The following CASK variants were observed in gnomAD, a reference collection of about 807,000 sequenced individuals.
CASK encodes the protein peripheral plasma membrane protein CASK.
CASK carries 4 observed loss-of-function variants against 82.9 expected under a neutral mutation model. The observed-to-expected ratio is 0.05, with a 90% CI of 0.02 to 0.11. The LOEUF is 0.11. CASK is among the 10% of genes least tolerant of loss of function. The pLI, the probability that CASK is intolerant of heterozygous loss-of-function variation, is 1.00. For synonymous variants in CASK, 259 were observed against 253.5 expected (o/e 1.02, Z -0.20); for missense variants, 358 against 720.9 (o/e 0.50, Z 5.76).
At chrX:41,809,271 G>C (rs934698125) in intron 2 of CASK, among the ~76,000 whole-genome samples, 4 of 112,169 alleles carry the variant, frequency 3.6e-5, no homozygotes, top group African/African-American at 6.5e-5. Flanking sequence ...TTTTAGATCT[G>C]AGAACGGACA....
intron 2 of CASK, among the ~76,000 whole-genome samples, chrX:41,791,905 CTATATT>C (rs1424956280): frequency 1.8e-5 from 2 of 111,141 alleles, no homozygotes; most frequent in African/African-American, 6.6e-5. Flanking sequence ...AACTATATGC[CTATATT>C]TATTTTATCA....
intron 8 of CASK, among the ~76,000 whole-genome samples, chrX:41,657,929 T>C (rs1356237440): frequency 1.8e-5 from 2 of 111,414 alleles, no homozygotes; most frequent in African/African-American, 6.5e-5. Flanking sequence ...GGGTTGGGAC[T>C]TTCAGCCCCA....
chrX:41,773,049 G>C (rs2069276298), intron 3 of CASK, among the ~76,000 whole-genome samples: 1 of 111,149 alleles, frequency 9.0e-6, no homozygotes, highest in African/African-American at 3.3e-5. Context: ...AAAAAACCGA[G>C]AGAACATTCC....
intron 2 of CASK, among the ~76,000 whole-genome samples, chrX:41,787,871 TG>T (rs1436299182): frequency 1.8e-5 from 2 of 111,217 alleles, no homozygotes; most frequent in Non-Finnish European, 3.8e-5. Flanking sequence ...TAAAATGTGC[TG>T]GGGCCAGGCG....
At chrX:41,888,681 G>A (rs940598334) in intron 1 of CASK, among the ~76,000 whole-genome samples, 1 of 94,633 alleles carries the variant, frequency 1.1e-5, no homozygotes, top group Non-Finnish European at 2.2e-5. Flanking sequence ...GTATATGTAT[G>A]TGAATATATG....
chrX:41,863,986 T>C (rs2071541861), intron 1 of CASK, among the ~76,000 whole-genome samples: 1 of 111,659 alleles, frequency 9.0e-6, no homozygotes, highest in Non-Finnish European at 1.9e-5. Flanking sequence ...TTGCAAGCCA[T>C]TAATCACAAC....
intron 3 of CASK, among the ~76,000 whole-genome samples, chrX:41,770,372 A>G (rs748999363): frequency 1.9e-5 from 2 of 107,616 alleles, no homozygotes; most frequent in Non-Finnish European, 3.8e-5. Flanking sequence ...GTTTTTTGAG[A>G]CAGAGTTTTG....
At chrX:41,849,310 T>C (rs746168723) in intron 2 of CASK, among the ~76,000 whole-genome samples, 5 of 111,911 alleles carry the variant, frequency 4.5e-5, no homozygotes, top group Admixed American at 3.8e-4. Flanking sequence ...AATTTTGATA[T>C]CTATTTTTAA....
intron 26 of CASK, chrX:41,522,079 G>A (rs754763167): frequency 7.2e-5 from 8 of 111,744 alleles, no homozygotes; most frequent in Non-Finnish European, 1.3e-4. Flanking sequence ...CCTAGGAGCC[G>A]TAGTACCCAG....
chrX:41,624,407 C>T (rs2066333874), intron 10 of CASK: 1 of 249,680 alleles, frequency 4.0e-6, no homozygotes, highest in South Asian at 4.7e-5. Flanking sequence ...CTCTAAGATT[C>T]CCATTTCTGA....
chrX:41,541,875 T>C (rs1480192536), intron 22 of CASK, among the ~76,000 whole-genome samples: 1 of 111,807 alleles, frequency 8.9e-6, no homozygotes, highest in Admixed American at 9.5e-5. Flanking sequence ...AAGTTCCTTA[T>C]AAAAGGAGTT....
chrX:41,720,019 T>G lies in CASK; in HGVS notation c.429+19365A>C, dbSNP rs113440179. ...AATAAATTTCACTTCTAAGAGAAGT[T>G]ACTATTTATTCCTAATTAAATGGGG... is the stretch of plus-strand genomic sequence containing the variant. On this transcript the variant is annotated intron_variant, in intron 5 of 26. Coordinates refer to ENST00000378163, the MANE Select transcript of CASK (RefSeq NM_001367721.1). Among the ~76,000 whole-genome samples the G allele has an allele frequency of 7.5e-3, 850 of 112,961 alleles. 4 individuals are homozygous for G. Among genetic ancestry groups the G allele is most frequent in the African/African-American group, 0.026 (820 of 31,189 alleles).
At chrX:41,911,180 A>C (rs756278490) in intron 1 of CASK, among the ~76,000 whole-genome samples, 4 of 112,208 alleles carry the variant, frequency 3.6e-5, no homozygotes, top group Non-Finnish European at 7.5e-5. Flanking sequence ...TATACTGCTA[A>C]CAAAAACCCA....
At chrX:41,851,785 G>A (rs2071271847) in intron 2 of CASK, among the ~76,000 whole-genome samples, 1 of 111,362 alleles carries the variant, frequency 9.0e-6, no homozygotes, top group Non-Finnish European at 1.9e-5. Context: ...ATTTAAAATT[G>A]GAATCTTACT....
At chrX:41,614,765 C>T (rs778264847) in intron 11 of CASK, among the ~76,000 whole-genome samples, 8 of 111,737 alleles carry the variant, frequency 7.2e-5, no homozygotes, top group Admixed American at 1.9e-4. Context: ...GTGATCTGCC[C>T]GCCTTGGCCT....
At chrX:41,639,543 A>C (rs1039659692) in intron 8 of CASK, among the ~76,000 whole-genome samples, 1 of 110,834 alleles carries the variant, frequency 9.0e-6, no homozygotes, top group Non-Finnish European at 1.9e-5. Context: ...AAAGGGTGAA[A>C]GAGAGATAGA....
chrX:41,906,509 T>G (rs1471709464), intron 1 of CASK, among the ~76,000 whole-genome samples: 1 of 112,340 alleles, frequency 8.9e-6, no homozygotes, highest in African/African-American at 3.2e-5. Context: ...TGGCAGAACT[T>G]TTCTACAGCA....
At chrX:41,814,681 G>C (rs2070377924) in intron 2 of CASK, among the ~76,000 whole-genome samples, 1 of 109,721 alleles carries the variant, frequency 9.1e-6, no homozygotes, top group African/African-American at 3.3e-5. Context: ...CATGGCACAT[G>C]TATACATATG....
At chrX:41,782,379 G>C (rs2069495459) in intron 3 of CASK, among the ~76,000 whole-genome samples, 1 of 111,983 alleles carries the variant, frequency 8.9e-6, no homozygotes, top group Non-Finnish European at 1.9e-5. Flanking sequence ...CAGGTCACTG[G>C]AAAATATCCA....
Sources: gnomAD v4.1 joint callset for allele counts (sites outside exome capture counted in the v4.1 genomes callset) on GRCh38, gnomAD v4.1.1 for gene constraint, MANE v1.5 for transcripts, NCBI Gene and HGNC (gene_info 2026-07-23, HGNC 2026-07-21) for gene names.